The following NAGK variants were observed in gnomAD, a reference collection of about 807,000 sequenced individuals.
NAGK encodes N-acetylglucosamine kinase, also known as N-acetyl-D-glucosamine kinase.
Under a neutral mutation model 42.9 loss-of-function variants are expected in NAGK, and 35 were observed. That is an observed-to-expected ratio of 0.82 (90% CI 0.62 to 1.08). The LOEUF (loss-of-function observed/expected upper bound fraction) is 1.08. Ranked by LOEUF, NAGK falls within the 50% of genes least tolerant of loss-of-function variation. The pLI is 0.00. For synonymous variants in NAGK, 172 were observed against 176.0 expected (o/e 0.98, Z 0.18); for missense variants, 446 against 446.0 (o/e 1.00, Z 0.00).
intron 8 of NAGK, among the ~76,000 whole-genome samples, chr2:71,077,137 G>A (rs1362068472): frequency 2.0e-5 from 3 of 151,976 alleles, no homozygotes; most frequent in Admixed American, 6.6e-5. Context: ...CACCATGGCC[G>A]GCTAATTTTT....
intron 3 of NAGK, 22 bp downstream of exon 3, chr2:71,070,861 G>A: frequency 6.2e-7 from 1 of 1,612,910 alleles, no homozygotes; most frequent in Non-Finnish European, 8.5e-7. Flanking sequence ...GCGGAGCCTG[G>A]GAATTCAGCC....
chr2:71,068,367 C>G, upstream of NAGK: 1 of 920,428 alleles, frequency 1.1e-6, no homozygotes, highest in Non-Finnish European at 1.5e-6. Flanking sequence ...GTCCGACCGA[C>G]CTAGATACCC....
chr2:71,070,881 A>G (rs1671979046), intron 3 of NAGK, 42 bp downstream of exon 3: 4 of 1,596,708 alleles, frequency 2.5e-6, no homozygotes, highest in Non-Finnish European at 3.4e-6. Flanking sequence ...CATCTGTGAC[A>G]CTGAGACAGC....
chr2:71,072,714 CGGCGGCTGG>C lies in NAGK; in HGVS notation c.433_441del (p.Gly145_Gly147del). 1 of 1,612,772 alleles carries C rather than the reference CGGCGGCTGG, an allele frequency of 6.2e-7. No individual in the cohort carries two copies. The highest frequency in any genetic ancestry group is 8.5e-7 in the Non-Finnish European group (1 of 1,179,790). ...ACCCTGATGGCTCCGAGAGTGGCTG[CGGCGGCTGG>C]GGCCATATGATGGGTGATGAGGGTT... is the stretch of plus-strand genomic sequence containing the variant. On this transcript the variant is annotated inframe_deletion, in exon 5 of 10. Transcript: ENST00000244204.
chr2:71,068,863 C>A, intron 1 of NAGK, 151 bp downstream of exon 1: 5 of 1,372,930 alleles, frequency 3.6e-6, no homozygotes, highest in Non-Finnish European at 4.7e-6. Context: ...CGCAGGGGCG[C>A]CCTGGAGCGC....
rs1291449198 is a variant in NAGK at position 71,079,472 on chromosome 2, T to C, written c.*964T>C. On this transcript the variant is annotated 3_prime_UTR_variant, in exon 10 of 10. Transcript: ENST00000244204. ...TCTCCAACTTACAGACATCAGTTATTCTAGAGTTTGTTTTAAAACACGGTT... is the reference window on the plus strand; with the variant it reads ...TCTCCAACTTACAGACATCAGTTATCCTAGAGTTTGTTTTAAAACACGGTT... 6.6e-6 allele frequency: 1 copy of C among 152,336 alleles called. No homozygotes were observed. The highest frequency in any genetic ancestry group is 6.5e-5 in the Admixed American group (1 of 15,294). 9.4% of individuals were successfully genotyped at this position (152,336 alleles called of 1,614,324 possible). A position where few individuals can be genotyped will look rare whatever the true frequency, so the allele number is the denominator to read the frequency against.
At chr2:71,073,039 T>G (rs1672080378) in intron 5 of NAGK, 2 of 487,124 alleles carry the variant, frequency 4.1e-6, no homozygotes, top group Non-Finnish European at 7.6e-6. Context: ...GAGTTGAAAC[T>G]GAGGGTAAGG....
chr2:71,072,868 T>C, intron 5 of NAGK, 117 bp downstream of exon 5: 5 of 877,458 alleles, frequency 5.7e-6, no homozygotes, highest in Non-Finnish European at 9.2e-6. Context: ...GGACAACTCC[T>C]GAACCTGGCC....
At chr2:71,074,313 T>A (rs1027209896) in intron 6 of NAGK, among the ~76,000 whole-genome samples, 45 of 152,072 alleles carry the variant, frequency 3.0e-4, no homozygotes, top group African/African-American at 1.0e-3. Context: ...GGGCCTGGAT[T>A]ATCAGGGCTG....
At chr2:71,070,962 A>C (rs1168359491) in intron 3 of NAGK, 123 bp downstream of exon 3, 2 of 975,544 alleles carry the variant, frequency 2.1e-6, no homozygotes, top group East Asian at 5.2e-5. Context: ...CCCTGGTGTC[A>C]AAACTGTCAT....
At chr2:71,076,809 T>G in intron 8 of NAGK, 108 bp downstream of exon 8, 1 of 934,860 alleles carries the variant, frequency 1.1e-6, no homozygotes, top group South Asian at 1.6e-5. Context: ...GATACTATTT[T>G]AAATGAACTT....
intron 8 of NAGK, among the ~76,000 whole-genome samples, chr2:71,077,026 T>C (rs1672236425): frequency 6.6e-6 from 1 of 152,110 alleles, no homozygotes. Flanking sequence ...TGCAGTAGCG[T>C]GATCTCAGCT....
intron 6 of NAGK, among the ~76,000 whole-genome samples, chr2:71,073,993 G>A (rs545930295): frequency 6.3e-4 from 96 of 152,284 alleles, no homozygotes; most frequent in Admixed American, 1.7e-3. Flanking sequence ...TTCTGGCCTG[G>A]ATGGGTCAAG....
rs750765230 is a variant in NAGK, at chr2:71,077,597, G to A, written c.805G>A (p.Val269Met). The change falls in exon 9 of 10, where the codon GTG becomes ATG. Residue 269 changes from valine to methionine, a missense_variant. Coordinates refer to ENST00000244204, the MANE Select transcript of NAGK (RefSeq NM_017567.6). The stretch of plus-strand genomic sequence containing the variant: ...CAAGATTGGACTCCCCATCCTGTGC[G>A]TGGGCTCTGTGTGGAAGAGCTGGGA... ...QGKIGLPILC[V>M]GSVWKSWELL... The A allele has an allele frequency of 7.5e-6, 12 of 1,609,286 alleles. No individual in the cohort carries two copies. The highest frequency in any genetic ancestry group is 3.4e-5 in the Admixed American group (2 of 59,484).
rs1672317314 is a variant in NAGK at position 71,078,986 on chromosome 2, C to A, written c.*478C>A. ...AGGGAGTAACCTTAGGTATATCACA[C>A]CCTCTCCTGAGACTCCCAGCAAGAT... On this transcript the variant is annotated 3_prime_UTR_variant, in exon 10 of 10. Transcript: ENST00000244204. 6.5e-6 allele frequency: 1 copy of A among 153,800 alleles called. No individual in the cohort carries two copies. The highest frequency in any genetic ancestry group is 1.4e-5 in the Non-Finnish European group (1 of 69,148). The allele number at this position is 153,800 out of a possible 1,614,324, so 9.5% of individuals were successfully genotyped here.
rs1180698312 is a variant in NAGK at position 71,072,695 on chromosome 2, A to C, written c.410A>C (p.Asp137Ala). The change falls in exon 5 of 10, where the codon GAT becomes GCT. Residue 137 changes from aspartate to alanine, a missense_variant. Coordinates refer to ENST00000244204, the MANE Select transcript of NAGK (RefSeq NM_017567.6). The part of the protein sequence containing the change: ...TGSNCRLINP[D>A]GSESGCGGWG... ...TCCAACTGCAGGCTCATCAACCCTG[A>C]TGGCTCCGAGAGTGGCTGCGGCGGC... is the stretch of plus-strand genomic sequence containing the variant. The C allele has an allele frequency of 6.2e-7, 1 of 1,614,026 alleles. No homozygotes were observed. Among genetic ancestry groups the C allele is most frequent in the South Asian group, 1.1e-5 (1 of 91,084 alleles).
At chr2:71,073,313 G>A (rs1248739335) in intron 5 of NAGK, 169 bp from the exon 6 acceptor site, 6 of 611,350 alleles carry the variant, frequency 9.8e-6, no homozygotes, top group Non-Finnish European at 1.8e-5. Context: ...CAGTTTGATA[G>A]AGACCCTCCC....
upstream of NAGK, chr2:71,068,503 G>A (rs1329824924): frequency 4.2e-6 from 6 of 1,431,562 alleles, no homozygotes; most frequent in African/African-American, 3.0e-5. Flanking sequence ...ACAGCCTGAG[G>A]GACGCAGCCA....
At chr2:71,076,795 A>G (rs1672228994) in intron 8 of NAGK, 94 bp downstream of exon 8, 19 of 1,005,620 alleles carry the variant, frequency 1.9e-5, no homozygotes, top group Non-Finnish European at 2.8e-5. Flanking sequence ...CCCTGCATAG[A>G]TTGGATACTA....
Sources: allele counts gnomAD v4.1 joint callset (sites outside exome capture counted in the v4.1 genomes callset), GRCh38; gene constraint gnomAD v4.1.1; transcripts MANE v1.5; gene names NCBI Gene and HGNC (gene_info 2026-07-23, HGNC 2026-07-21).